Variants in RRP12 observed in about 807,000 individuals in gnomAD.
The protein encoded by RRP12 is ribosomal RNA processing 12 homolog.
A neutral mutation model predicts 157.3 loss-of-function variants in RRP12; 78 were observed. The ratio of observed to expected loss-of-function variants is 0.50; its 90% confidence interval spans 0.41 to 0.60. The LOEUF (loss-of-function observed/expected upper bound fraction) is 0.60, where lower values mean the gene tolerates loss of function less well. Among genes scored for constraint, RRP12 ranks in the 20% least tolerant of loss-of-function variants. RRP12 has a pLI of 0.00. For missense variants in RRP12, 1,521 were observed against 1,679.9 expected, an observed-to-expected ratio of 0.91 and a Z score of 1.65; for synonymous variants, 726 against 670.9, an observed-to-expected ratio of 1.08 and a Z score of -1.27.
chr10:97,389,212 G>A (rs978915945), intron 6 of RRP12, among the ~76,000 whole-genome samples: 5 of 152,064 alleles, frequency 3.3e-5, no homozygotes, highest in Non-Finnish European at 7.4e-5. Flanking sequence ...TCCTGCCTCC[G>A]CCTCCCGAGC....
In RRP12 at chr10:97,366,763, G is replaced by A; in HGVS notation, c.3194C>T (p.Pro1065Leu). The A allele has an allele frequency of 6.2e-7, 1 of 1,612,096 alleles. No homozygotes were observed. Among genetic ancestry groups the A allele is most frequent in the Non-Finnish European group, 8.5e-7 (1 of 1,179,788 alleles). Residue 1065 changes from proline (P) to leucine (L), a missense_variant, in exon 27 of 34, where the codon CCC becomes CTC. By Grantham distance (98) the Pro-to-Leu change is moderately conservative (BLOSUM62 -3). Coordinates refer to ENST00000370992, the MANE Select transcript of RRP12 (RefSeq NM_015179.4). ...TCACCTGTCACCTTTGCCCTGGGCG[G>A]GCTCCTCCTCCTCCTCCTCCTCTTC... is the stretch of plus-strand genomic sequence containing the variant. ...EEEEEEEEEE[P>L]AQGKGDSIEE...
intron 30 of RRP12, among the ~76,000 whole-genome samples, chr10:97,363,276 G>A (rs1001935495): frequency 6.6e-6 from 1 of 152,236 alleles, no homozygotes; most frequent in African/African-American, 2.4e-5. Flanking sequence ...ACCCTTGTTG[G>A]TTCAGGTGGG....
chr10:97,370,850 A>C (rs541388728), intron 21 of RRP12, 54 bp from the exon 22 acceptor site: 1 of 1,610,004 alleles, frequency 6.2e-7, no homozygotes, highest in South Asian at 1.1e-5. Flanking sequence ...CCACCCAACA[A>C]GCCTCAACAG....
chr10:97,364,075 C>T (rs1309410303), intron 29 of RRP12, among the ~76,000 whole-genome samples, 172 bp from the exon 30 acceptor site: 1 of 152,188 alleles, frequency 6.6e-6, no homozygotes, highest in East Asian at 1.9e-4. Flanking sequence ...GACCCCTGAG[C>T]ACTGCCCCTT....
downstream of RRP12, chr10:97,356,396 G>A (rs1240795058): frequency 2.0e-5 from 3 of 152,266 alleles, no homozygotes; most frequent in Non-Finnish European, 4.4e-5. Context: ...GAGGGGCTCA[G>A]CAAATACTTT....
intron 3 of RRP12, 104 bp downstream of exon 3, chr10:97,396,114 A>G: frequency 1.2e-6 from 1 of 812,090 alleles, no homozygotes; most frequent in East Asian, 2.5e-5. Flanking sequence ...CACCTGGTCA[A>G]GGTTGTCCTT....
At chr10:97,393,096 C>T (rs779911999) in intron 4 of RRP12, 15 of 287,078 alleles carry the variant, frequency 5.2e-5, no homozygotes, top group Middle Eastern at 1.3e-3. Flanking sequence ...AGGATGGTCT[C>T]GATCTCCTGA....
intron 2 of RRP12, among the ~76,000 whole-genome samples, chr10:97,398,320 C>A (rs1845042397): frequency 1.0e-5 from 1 of 96,392 alleles, no homozygotes; most frequent in African/African-American, 5.1e-5. Flanking sequence ...TCCCAAAGTG[C>A]TGGGATTACA....
Position 97,371,012 on chromosome 10 carries a change from G to C in RRP12, c.2413C>G (p.Pro805Ala). The change falls in exon 21 of 34, where the codon CCC becomes GCC. Residue 805 changes from proline to alanine, a missense_variant. By Grantham distance (27) the Pro-to-Ala change is conservative. Coordinates refer to ENST00000370992, the MANE Select transcript of RRP12 (RefSeq NM_015179.4). ...TGGCTCTGCACGAAGAGGGCCCCGG[G>C]GCCCTGAGGACTGGCACACACCTCC... is the stretch of plus-strand genomic sequence containing the variant. ...LEEVCASPQG[P>A]GALFVQSHLE... 1 of 1,613,928 alleles carries C rather than the reference G, an allele frequency of 6.2e-7. No individual in the cohort carries two copies. The highest frequency in any genetic ancestry group is 8.5e-7 in the Non-Finnish European group (1 of 1,179,974).
chr10:97,379,774 C>A lies in RRP12; in HGVS notation c.1534-4G>T. On this transcript the variant is annotated splice_polypyrimidine_tract_variant and splice_region_variant and intron_variant, in intron 13 of 33. Coordinates refer to ENST00000370992, the MANE Select transcript of RRP12 (RefSeq NM_015179.4). ...GGTCACACAGGGACTGGAGGCACTG[C>A]AGCAGAGATGAGTGACCACACATCA... The A allele has an allele frequency of 6.2e-7, 1 of 1,602,280 alleles. No individual in the cohort carries two copies. Among genetic ancestry groups the A allele is most frequent in the Non-Finnish European group, 8.5e-7 (1 of 1,174,510 alleles).
At chr10:97,401,033 C>G (rs1300911154) in intron 1 of RRP12, 60 bp downstream of exon 1, 4 of 1,589,078 alleles carry the variant, frequency 2.5e-6, no homozygotes, top group African/African-American at 1.3e-5. Context: ...CCAGACTCAT[C>G]TGGACCCAGG....
intron 30 of RRP12, among the ~76,000 whole-genome samples, 161 bp from the exon 31 acceptor site, chr10:97,360,779 G>A (rs1220000451): frequency 6.6e-6 from 1 of 152,148 alleles, no homozygotes; most frequent in Non-Finnish European, 1.5e-5. Flanking sequence ...CCCAGAGAGG[G>A]CAAGGAACTG....
chr10:97,396,088 A>G, intron 3 of RRP12, 130 bp downstream of exon 3: 6 of 681,706 alleles, frequency 8.8e-6, no homozygotes, highest in Non-Finnish European at 1.4e-5. Context: ...CCACCTGAGA[A>G]TAACTGAAGC....
At chr10:97,376,797 C>T (rs1212540479) in intron 15 of RRP12, among the ~76,000 whole-genome samples, 1 of 152,122 alleles carries the variant, frequency 6.6e-6, no homozygotes, top group East Asian at 1.9e-4. Flanking sequence ...TTGAGAACCA[C>T]TGCCCTAGAC....
At chr10:97,382,958 C>T (rs1250548498) in intron 10 of RRP12, among the ~76,000 whole-genome samples, 5 of 152,160 alleles carry the variant, frequency 3.3e-5, no homozygotes, top group South Asian at 2.1e-4. Flanking sequence ...GATGGGGTTT[C>T]GCCATTTTGG....
intron 15 of RRP12, among the ~76,000 whole-genome samples, chr10:97,374,147 T>G (rs1564755757): frequency 6.6e-6 from 1 of 152,198 alleles, no homozygotes; most frequent in Non-Finnish European, 1.5e-5. Context: ...TTATACTTCT[T>G]TAAACACATG....
At chr10:97,377,593 C>T (rs930248526) in intron 15 of RRP12, among the ~76,000 whole-genome samples, 1 of 150,784 alleles carries the variant, frequency 6.6e-6, no homozygotes, top group Non-Finnish European at 1.5e-5. Flanking sequence ...GCCTGTAATC[C>T]CAACACTTTG....
intron 22 of RRP12, 37 bp downstream of exon 22, chr10:97,370,679 C>T: frequency 6.2e-7 from 1 of 1,610,476 alleles, no homozygotes; most frequent in East Asian, 2.2e-5. Context: ...GAGCCACATT[C>T]CAGGGACCCC....
chr10:97,366,252 C>A lies in RRP12; in HGVS notation c.3392-19G>T. On this transcript the variant is annotated intron_variant, in intron 28 of 33. Transcript: ENST00000370992. ...TGCGTGGCTGGGGTGTAGAGTTTGG[C>A]ATGAGGAGGTGGAAGGCCAGTCCCA... 6.2e-7 allele frequency: 1 copy of A among 1,609,816 alleles called. No individual in the cohort carries two copies.
Sources: gnomAD v4.1 joint callset for allele counts (sites outside exome capture counted in the v4.1 genomes callset) on GRCh38, gnomAD v4.1.1 for gene constraint, MANE v1.5 for transcripts, NCBI Gene and HGNC (gene_info 2026-07-23, HGNC 2026-07-21) for gene names.